Variants in RBFOX2 observed in about 807,000 individuals in gnomAD.
The protein encoded by RBFOX2 is RNA binding protein fox-1 homolog 2.
Under a neutral mutation model 49.1 loss-of-function variants are expected in RBFOX2, and 10 were observed. That is an observed-to-expected ratio of 0.20 (90% CI 0.13 to 0.35). RBFOX2 has a LOEUF of 0.35. RBFOX2 is among the 10% of genes least tolerant of loss of function. The probability of loss-of-function intolerance (pLI) is 1.00; values close to 1 mark genes in which losing one functional copy is unlikely to be tolerated. For missense variants in RBFOX2, 323 were observed against 486.9 expected (o/e 0.66, Z 3.17); for synonymous variants, 183 against 187.4 (o/e 0.98, Z 0.19).
intron 1 of RBFOX2, among the ~76,000 whole-genome samples, chr22:35,831,789 T>A (rs894490534): frequency 6.6e-6 from 1 of 152,082 alleles, no homozygotes; most frequent in Non-Finnish European, 1.5e-5. Context: ...TAATTAACAT[T>A]AGGAAAAAAG....
chr22:35,862,948 G>A (rs1278382803), intron 1 of RBFOX2, among the ~76,000 whole-genome samples: 1 of 152,114 alleles, frequency 6.6e-6, no homozygotes, highest in Non-Finnish European at 1.5e-5. Context: ...CATTATCTCT[G>A]ATAATTGAAG....
chr22:35,810,038 T>G, intron 1 of RBFOX2, 34 bp from the exon 3 acceptor site: 1 of 1,599,174 alleles, frequency 6.3e-7, no homozygotes, highest in East Asian at 2.2e-5. Context: ...AAAAAGTGAC[T>G]TTGAATCCTT....
intron 4 of RBFOX2, among the ~76,000 whole-genome samples, chr22:35,773,437 T>A (rs1019709104): frequency 1.3e-5 from 2 of 152,088 alleles, no homozygotes; most frequent in Admixed American, 6.6e-5. Flanking sequence ...AATTAGAATG[T>A]TCCTAGCATA....
At chr22:35,998,787 A>G (rs1213337568) in intron 1 of RBFOX2, 1 of 152,496 alleles carries the variant, frequency 6.6e-6, no homozygotes, top group Non-Finnish European at 1.5e-5. Flanking sequence ...AGAAGACAGG[A>G]AGAAAAAAAG....
At chr22:35,919,150 T>C (rs1359809329) in intron 1 of RBFOX2, among the ~76,000 whole-genome samples, 1 of 152,190 alleles carries the variant, frequency 6.6e-6, no homozygotes, top group Non-Finnish European at 1.5e-5. Context: ...TGAGTCTATT[T>C]ATATAAACTG....
intron 1 of RBFOX2, among the ~76,000 whole-genome samples, chr22:35,917,474 T>C (rs2050559035): frequency 1.3e-5 from 2 of 152,226 alleles, no homozygotes; most frequent in Admixed American, 6.5e-5. Context: ...TCTCTTCACA[T>C]TATGCTAGGC....
chr22:35,866,599 G>A (rs1326188587), intron 1 of RBFOX2, among the ~76,000 whole-genome samples: 3 of 152,100 alleles, frequency 2.0e-5, no homozygotes, highest in Non-Finnish European at 4.4e-5. Context: ...CTCAAAGGTT[G>A]AAAGAAGCAA....
At chr22:35,937,043 T>A (rs1206302082) in intron 1 of RBFOX2, among the ~76,000 whole-genome samples, 6 of 152,176 alleles carry the variant, frequency 3.9e-5, no homozygotes. Flanking sequence ...AAGTACAGGA[T>A]GAAACAGAAA....
intron 1 of RBFOX2, among the ~76,000 whole-genome samples, chr22:35,881,264 G>A (rs1394999926): frequency 3.5e-5 from 5 of 144,426 alleles, no homozygotes; most frequent in South Asian, 2.3e-4. Flanking sequence ...ACTCCGTCTC[G>A]GGTGGCAGGG....
chr22:35,875,607 GGTGTGTGTGTGTGTGTGTGTGTGT>G (rs56137825), intron 1 of RBFOX2, among the ~76,000 whole-genome samples: 77 of 117,720 alleles, frequency 6.5e-4, no homozygotes, highest in South Asian at 2.9e-3. Context: ...TGCTCACAAG[GGTGTGTGTGTGTGTGTGTGTGTGT>G]GTGTGTGTGT....
At chr22:35,967,901 C>G (rs1413297103) in intron 1 of RBFOX2, among the ~76,000 whole-genome samples, 1 of 152,102 alleles carries the variant, frequency 6.6e-6, no homozygotes, top group African/African-American at 2.4e-5. Context: ...AAAGAAACAG[C>G]AGAATCCAGA....
At chr22:35,916,304 C>A (rs1472433996) in intron 1 of RBFOX2, among the ~76,000 whole-genome samples, 2 of 152,152 alleles carry the variant, frequency 1.3e-5, no homozygotes, top group African/African-American at 4.8e-5. Context: ...TTGTTTGTGA[C>A]AGGGTCTCAC....
At position 35,761,486 on chromosome 22, in the gene RBFOX2, G is replaced by A. The variant is rs773711125; in HGVS notation, c.608-18C>T. ...TTTCCAACCTGAAACACACAAAATG[G>A]AAGGTAAGCATTTAAGACTGTTTGA... On this transcript the variant is annotated intron_variant, in intron 6 of 11. Coordinates refer to ENST00000405409, the Ensembl canonical transcript of RBFOX2. 3.1e-6 allele frequency: 5 copies of A among 1,613,432 alleles called. No individual in the cohort carries two copies. The African/African-American group carries it at 6.7e-5, about 22-fold the overall frequency.
intron 1 of RBFOX2, among the ~76,000 whole-genome samples, chr22:35,953,319 G>A (rs1339604392): frequency 6.6e-6 from 1 of 151,362 alleles, no homozygotes; most frequent in Non-Finnish European, 1.5e-5. Flanking sequence ...ATATCATTCA[G>A]TTATAAAAAG....
intron 3 of RBFOX2, among the ~76,000 whole-genome samples, chr22:35,778,865 G>A (rs1944517418): frequency 6.6e-6 from 1 of 152,108 alleles, no homozygotes; most frequent in Admixed American, 6.6e-5. Flanking sequence ...TCGAACTCCT[G>A]ACTTCATGTG....
At chr22:35,953,826 TAC>T (rs2055240761) in intron 1 of RBFOX2, among the ~76,000 whole-genome samples, 1 of 152,206 alleles carries the variant, frequency 6.6e-6, no homozygotes, top group Non-Finnish European at 1.5e-5. Flanking sequence ...TCTCAATATA[TAC>T]TCTGGAAAAC....
At chr22:35,976,876 ATCTC>A (rs1307754119) in intron 1 of RBFOX2, among the ~76,000 whole-genome samples, 3 of 152,020 alleles carry the variant, frequency 2.0e-5, no homozygotes, top group African/African-American at 2.4e-5. Flanking sequence ...AGGCAGGAGA[ATCTC>A]TTGAACCCAG....
At chr22:35,823,695 A>T (rs1221347561) in intron 1 of RBFOX2, among the ~76,000 whole-genome samples, 1 of 152,242 alleles carries the variant, frequency 6.6e-6, no homozygotes, top group Non-Finnish European at 1.5e-5. Flanking sequence ...TTCTTTAAAA[A>T]ACTTTTAAGA....
chr22:35,779,881 C>T (rs1478564694), intron 3 of RBFOX2, among the ~76,000 whole-genome samples: 1 of 152,160 alleles, frequency 6.6e-6, no homozygotes, highest in Admixed American at 6.5e-5. Context: ...CAAGAAGTCA[C>T]TAACTGGCCT....
Sources: allele counts gnomAD v4.1 joint callset (sites outside exome capture counted in the v4.1 genomes callset), GRCh38; gene constraint gnomAD v4.1.1; transcripts MANE v1.5; gene names NCBI Gene and HGNC (gene_info 2026-07-23, HGNC 2026-07-21).